The following DCC variants were observed in gnomAD, a reference collection of about 807,000 sequenced individuals.
DCC encodes the protein netrin receptor DCC.
A neutral mutation model predicts 172.5 loss-of-function variants in DCC; 58 were observed. The observed-to-expected ratio is 0.34, with a 90% CI of 0.27 to 0.42. The LOEUF (loss-of-function observed/expected upper bound fraction) is 0.42, where lower values mean the gene tolerates loss of function less well. DCC is among the 10% of genes least tolerant of loss of function. DCC has a pLI of 1.00. For missense variants in DCC, 1,740 were observed against 1,791.0 expected (o/e 0.97, Z 0.51); for synonymous variants, 709 against 644.5 (o/e 1.10, Z -1.52).
intron 5 of DCC, among the ~76,000 whole-genome samples, chr18:52,972,211 G>A (rs888119067): frequency 3.3e-5 from 5 of 152,134 alleles, no homozygotes; most frequent in Non-Finnish European, 5.9e-5. Context: ...TCTAAACATA[G>A]GCTGGTCCTA....
At chr18:52,899,466 G>T (rs1376025889) in intron 2 of DCC, among the ~76,000 whole-genome samples, 1 of 141,330 alleles carries the variant, frequency 7.1e-6, no homozygotes, top group African/African-American at 2.6e-5. Context: ...TGATTCTCCT[G>T]CCTCAGCCTC....
chr18:52,897,879 G>T (rs2039754301), intron 2 of DCC, among the ~76,000 whole-genome samples: 1 of 152,170 alleles, frequency 6.6e-6, no homozygotes, highest in Admixed American at 6.5e-5. Context: ...AAAGGGAAAT[G>T]ATAGCTTGCA....
intron 28 of DCC, 145 bp from the exon 29 acceptor site, chr18:53,530,419 G>A (rs2046512769): frequency 1.4e-6 from 1 of 722,014 alleles, no homozygotes; most frequent in African/African-American, 1.7e-5. Flanking sequence ...TTCATTCAGT[G>A]AGTATATTCC....
intron 1 of DCC, among the ~76,000 whole-genome samples, chr18:52,427,815 T>TCTTC (rs1190279285): frequency 8.8e-6 from 1 of 113,058 alleles, no homozygotes; most frequent in African/African-American, 4.1e-5. Context: ...TTTCTTCCTT[T>TCTTC]CTTCCTTCCT....
chr18:53,413,549 T>A (rs909265782), intron 20 of DCC, among the ~76,000 whole-genome samples: 2 of 152,204 alleles, frequency 1.3e-5, no homozygotes, highest in Non-Finnish European at 2.9e-5. Flanking sequence ...TTCTATTCAG[T>A]GCAGCTTTGC....
chr18:53,299,481 C>T (rs1166390840), intron 12 of DCC, among the ~76,000 whole-genome samples: 3 of 152,300 alleles, frequency 2.0e-5, no homozygotes, highest in South Asian at 2.1e-4. Context: ...ATACCATTCC[C>T]AACCCCTCCG....
chr18:52,415,177 A>G (rs539898994), intron 1 of DCC, among the ~76,000 whole-genome samples: 1 of 152,326 alleles, frequency 6.6e-6, no homozygotes, highest in Non-Finnish European at 1.5e-5. Context: ...TTCTGTTACA[A>G]GCCATCTGGA....
intron 2 of DCC, among the ~76,000 whole-genome samples, chr18:52,889,668 C>A (rs562834219): frequency 2.0e-5 from 3 of 152,160 alleles, no homozygotes; most frequent in Non-Finnish European, 2.9e-5. Context: ...GCTTACAAAA[C>A]ATTTATTAGT....
intron 5 of DCC, among the ~76,000 whole-genome samples, chr18:52,928,491 C>T (rs1307123977): frequency 6.6e-6 from 1 of 152,054 alleles, no homozygotes; most frequent in Non-Finnish European, 1.5e-5. Flanking sequence ...AGTTAATATG[C>T]ATTAGTAATT....
intron 2 of DCC, among the ~76,000 whole-genome samples, chr18:52,817,610 T>C (rs2038324848): frequency 6.6e-6 from 1 of 152,150 alleles, no homozygotes; most frequent in African/African-American, 2.4e-5. Flanking sequence ...ATATATATTT[T>C]CATCTTAATG....
In DCC at chr18:52,389,616, CAGG is replaced by C. The variant is rs573370550; in HGVS notation, c.91+48741_91+48743del. On this transcript the variant is annotated intron_variant, in intron 1 of 28. Transcript: ENST00000442544. ...GTCATGCAAAAAGCAATATGGATTT[CAGG>C]AGAAAACTGATGGCACTTATAAAAA... Among the ~76,000 whole-genome samples the C allele has an allele frequency of 2.3e-3, 350 of 151,852 alleles. 3 individuals carry two copies. The highest frequency in any genetic ancestry group is 4.0e-3 in the Non-Finnish European group (272 of 67,838).
At chr18:52,840,306 C>G (rs1337023194) in intron 2 of DCC, among the ~76,000 whole-genome samples, 1 of 152,084 alleles carries the variant, frequency 6.6e-6, no homozygotes, top group Non-Finnish European at 1.5e-5. Context: ...CTGATGCTTT[C>G]CTTTGATTTT....
Position 52,487,709 on chromosome 18 carries a change from G to A in DCC, c.91+146831G>A, listed in dbSNP as rs139327301. Among the ~76,000 whole-genome samples, 1,097 of 150,568 alleles carry A rather than the reference G, an allele frequency of 7.3e-3. 7 individuals are homozygous for A. Among genetic ancestry groups the A allele is most frequent in the Admixed American group, 9.7e-3 (145 of 14,906 alleles). ...GCCTGCAGTCCCAGCTACTGGGGAG[G>A]CTGAGGCATAAGGATGGTTTGAATT... is the stretch of plus-strand genomic sequence containing the variant. On this transcript the variant is annotated intron_variant, in intron 1 of 28. Coordinates refer to ENST00000442544, the MANE Select transcript of DCC (RefSeq NM_005215.4).
intron 15 of DCC, among the ~76,000 whole-genome samples, chr18:53,375,059 A>C (rs764836463): frequency 5.3e-5 from 8 of 152,100 alleles, no homozygotes; most frequent in Non-Finnish European, 7.4e-5. Context: ...CTACTTAATG[A>C]GCTCTGTTTT....
At chr18:53,064,234 G>A (rs186496784) in intron 6 of DCC, among the ~76,000 whole-genome samples, 117 of 152,246 alleles carry the variant, frequency 7.7e-4, no homozygotes, top group African/African-American at 2.4e-3. Context: ...AGCTTTTGCT[G>A]TTACTGGCAG....
At chr18:53,228,684 A>G (rs2056076020) in intron 12 of DCC, among the ~76,000 whole-genome samples, 3 of 152,118 alleles carry the variant, frequency 2.0e-5, no homozygotes, top group Admixed American at 1.3e-4. Flanking sequence ...GATAATAGTC[A>G]AGGATTTCGG....
intron 5 of DCC, among the ~76,000 whole-genome samples, chr18:53,027,745 C>T (rs553962348): frequency 1.3e-5 from 2 of 152,212 alleles, no homozygotes; most frequent in South Asian, 2.1e-4. Flanking sequence ...CTTCCAGCCT[C>T]CAACTTCTTT....
At chr18:52,640,920 C>CA (rs1598978981) in intron 1 of DCC, among the ~76,000 whole-genome samples, 2 of 152,144 alleles carry the variant, frequency 1.3e-5, no homozygotes, top group East Asian at 3.9e-4. Flanking sequence ...CAACACTAAA[C>CA]AAAAAGAACA....
chr18:52,918,340 A>C (rs1687764483), intron 3 of DCC, among the ~76,000 whole-genome samples: 1 of 152,158 alleles, frequency 6.6e-6, no homozygotes, highest in Non-Finnish European at 1.5e-5. Context: ...TAATTTCATC[A>C]TGGTTCCATT....
Sources: gnomAD v4.1 joint callset for allele counts (sites outside exome capture counted in the v4.1 genomes callset) on GRCh38, gnomAD v4.1.1 for gene constraint, MANE v1.5 for transcripts, NCBI Gene and HGNC (gene_info 2026-07-23, HGNC 2026-07-21) for gene names.